ZNF667: variants seen among roughly 807,000 people sequenced by gnomAD.
The protein encoded by ZNF667 is myocardial ischemic preconditioning upregulated 1 ortholog.
In ZNF667, 13 loss-of-function variants were observed where a neutral mutation model predicts 31.8. The ratio of observed to expected loss-of-function variants is 0.41; its 90% CI spans 0.27 to 0.65. The LOEUF (loss-of-function observed/expected upper bound fraction) is 0.65. Ranked by LOEUF, ZNF667 falls within the 30% of genes least tolerant of loss-of-function variation. The pLI is 0.32. For missense variants in ZNF667, 642 were observed against 725.6 expected, an observed-to-expected ratio of 0.88 and a Z score of 1.32; for synonymous variants, 228 against 247.1, an observed-to-expected ratio of 0.92 and a Z score of 0.73.
intron 3 of ZNF667, chr19:56,467,095 A>C (rs1236092959): frequency 4.4e-6 from 2 of 455,980 alleles, no homozygotes; most frequent in African/African-American, 4.0e-5. Context: ...GGTCCCATGC[A>C]GGTGAGCCAT....
chr19:56,462,265 G>A, intron 4 of ZNF667, 73 bp downstream of exon 4: 1 of 1,584,296 alleles, frequency 6.3e-7, no homozygotes, highest in East Asian at 2.2e-5. Context: ...AGTCTCCATG[G>A]AAGGAAAGCA....
At chr19:56,461,259 T>C (rs12462739) in intron 4 of ZNF667, among the ~76,000 whole-genome samples, 129,826 of 152,164 alleles carry the variant, frequency 0.85, 55,460 homozygotes, top group East Asian at 0.92. Flanking sequence ...AGACAGCTCC[T>C]GATTTAATCT....
At chr19:56,464,540 T>C (rs546678568) in intron 3 of ZNF667, among the ~76,000 whole-genome samples, 2 of 152,308 alleles carry the variant, frequency 1.3e-5, no homozygotes, top group South Asian at 4.2e-4. Context: ...GATAAATGTG[T>C]TGCTTTTTAC....
At chr19:56,459,658 A>C (rs2043003556) in intron 5 of ZNF667, among the ~76,000 whole-genome samples, 1 of 152,184 alleles carries the variant, frequency 6.6e-6, no homozygotes, top group African/African-American at 2.4e-5. Flanking sequence ...AATGTCCACT[A>C]TTCACCTTTC....
chr19:56,455,774 A>C (rs1468784651), intron 6 of ZNF667, among the ~76,000 whole-genome samples: 2 of 152,336 alleles, frequency 1.3e-5, no homozygotes, highest in East Asian at 3.9e-4. Context: ...GTACAATAGG[A>C]ATGTTTGTAA....
At chr19:56,460,541 T>C in intron 5 of ZNF667, 148 bp downstream of exon 5, 1 of 787,680 alleles carries the variant, frequency 1.3e-6, no homozygotes, top group Non-Finnish European at 1.8e-6. Flanking sequence ...GTACTTTTTA[T>C]GGGTGAATTG....
chr19:56,472,803 T>C (rs2043320551), intron 2 of ZNF667: 1 of 152,212 alleles, frequency 6.6e-6, no homozygotes, highest in Admixed American at 6.5e-5. Context: ...CTTAAGTCTT[T>C]GGGGAGTGAA....
chr19:56,471,161 C>A (rs1042420014), intron 3 of ZNF667, among the ~76,000 whole-genome samples: 2 of 151,992 alleles, frequency 1.3e-5, no homozygotes, highest in African/African-American at 2.4e-5. Context: ...AGCCCCACCC[C>A]CCCTGCCTCT....
In ZNF667 at chr19:56,470,186, T is replaced by C. The variant is rs573289397; in HGVS notation, c.-60+1513A>G. The C allele has an allele frequency of 8.9e-5, 33 of 371,806 alleles. 2 individuals are homozygous for C. The highest frequency in any genetic ancestry group is 6.4e-4 in the South Asian group (32 of 50,100). The allele number at this position is 371,806 out of a possible 1,614,324, so 23.0% of individuals were successfully genotyped here. A position where few individuals can be genotyped will look rare whatever the true frequency, so the allele number is the denominator to read the frequency against. The stretch of plus-strand genomic sequence containing the variant: ...GAGATCATATCAGTCAGTGCTCCGT[T>C]AAGGTAAACTCTATTTACCCTCACT... On this transcript the variant is annotated intron_variant, in intron 3 of 6. Coordinates refer to ENST00000504904, the MANE Select transcript of ZNF667 (RefSeq NM_001321356.2).
At chr19:56,462,297 C>A in intron 4 of ZNF667, 41 bp downstream of exon 4, 1 of 1,613,444 alleles carries the variant, frequency 6.2e-7, no homozygotes, top group Non-Finnish European at 8.5e-7. Context: ...TCTCACAAGA[C>A]ACGATGGGGT....
At chr19:56,465,802 G>A (rs919859773) in intron 3 of ZNF667, among the ~76,000 whole-genome samples, 1 of 152,070 alleles carries the variant, frequency 6.6e-6, no homozygotes, top group African/African-American at 2.4e-5. Context: ...AGAGGCCTGT[G>A]TGCAGGGTCA....
Position 56,441,553 on chromosome 19 carries a change from C to A in ZNF667, c.1442G>T (p.Ser481Ile). ...YQCEECGKAF[S>I]HRISLTRHKR... is the part of the protein sequence containing the mutation. ...ATGTCGTGTGAGAGATATTCGGTGG[C>A]TGAAGGCTTTTCCACATTCCTCACA... Residue 481 changes from serine to isoleucine, a missense_variant, in exon 7 of 7, where the codon AGC (serine) becomes ATC (isoleucine). By Grantham distance (142) the Ser-to-Ile change is moderately radical. Coordinates refer to ENST00000504904, the MANE Select transcript of ZNF667 (RefSeq NM_001321356.2). The surrounding 1 kb of genome is among the most constrained non-coding windows in gnomAD (Gnocchi z 4.2). 6.2e-7 allele frequency: 1 copy of A among 1,614,196 alleles called. No homozygotes were observed. The highest frequency in any genetic ancestry group is 8.5e-7 in the Non-Finnish European group (1 of 1,180,042).
chr19:56,467,622 C>T (rs1227852841), intron 3 of ZNF667: 1 of 152,260 alleles, frequency 6.6e-6, no homozygotes, highest in Non-Finnish European at 1.5e-5. Flanking sequence ...CAAGTCTGGA[C>T]TTCAGGAATG....
Position 56,441,853 on chromosome 19 carries a change from T to C in ZNF667, c.1142A>G (p.Asn381Ser). ...STLILHLRIHNGEKLYRCNKC... is the reference protein window; with the variant it reads ...STLILHLRIHSGEKLYRCNKC... Reference sequence around the variant, plus strand: ...ATTGCATCTGTATAGTTTTTCTCCATTATGAATTCTTAGATGCAGAATAAG... The same window carrying C: ...ATTGCATCTGTATAGTTTTTCTCCACTATGAATTCTTAGATGCAGAATAAG... Residue 381 changes from asparagine (N) to serine (S), a missense_variant, in exon 7 of 7, where the codon AAT becomes AGT. By Grantham distance (46) the Asn-to-Ser change is conservative. Coordinates refer to ENST00000504904, the MANE Select transcript of ZNF667 (RefSeq NM_001321356.2). This position sits in a 1 kb window ranked among gnomAD's most constrained non-coding sequence, Gnocchi z 4.2. The C allele has an allele frequency of 6.2e-7, 1 of 1,614,168 alleles. No individual in the cohort carries two copies. The highest frequency in any genetic ancestry group is 8.5e-7 in the Non-Finnish European group (1 of 1,180,032).
At position 56,440,819 on chromosome 19, in the gene ZNF667, T is replaced by G. The variant is rs189607749; in HGVS notation, c.*343A>C. 1.4e-4 allele frequency: 108 copies of G among 761,984 alleles called. 1 individual carries two copies. In the East Asian group the frequency reaches 8.6e-3, roughly 61 times the overall value. The allele number at this position is 761,984 out of a possible 1,614,324, so 47.2% of individuals were successfully genotyped here. ...GCCCAGCTAATTTTGTATTTTTTAG[T>G]AGAGACAGGGTTTCACCGTGGTCTC... On this transcript the variant is annotated 3_prime_UTR_variant, in exon 7 of 7. Transcript: ENST00000504904.
intron 1 of ZNF667, among the ~76,000 whole-genome samples, chr19:56,476,592 A>G (rs186138896): frequency 1.3e-5 from 2 of 152,346 alleles, no homozygotes; most frequent in East Asian, 3.9e-4. Context: ...GGCAGGTGCT[A>G]TTAATATGCT....
intron 6 of ZNF667, among the ~76,000 whole-genome samples, chr19:56,452,192 C>A (rs2042845063): frequency 6.6e-6 from 1 of 151,822 alleles, no homozygotes; most frequent in East Asian, 2.0e-4. Flanking sequence ...GGGATTACAG[C>A]CATCCACCAC....
rs909949474 is a variant in ZNF667 at position 56,458,383 on chromosome 19, G to C, written c.161-136C>G. On this transcript the variant is annotated intron_variant, in intron 5 of 6. Coordinates refer to ENST00000504904, the MANE Select transcript of ZNF667 (RefSeq NM_001321356.2). ...AGGATGTGAAGGGCAGCTGGAGAATGGGGAGTGTGATATTGTGATTTATAA... is the reference window on the plus strand; with the variant it reads ...AGGATGTGAAGGGCAGCTGGAGAATCGGGAGTGTGATATTGTGATTTATAA... 21 of 693,970 alleles carry C rather than the reference G, an allele frequency of 3.0e-5. No individual in the cohort carries two copies. In the African/African-American group the frequency reaches 3.7e-4, roughly 12 times the overall value. 43.0% of individuals were successfully genotyped at this position (693,970 alleles called of 1,614,324 possible).
chr19:56,470,496 T>C (rs1319451978), intron 3 of ZNF667, among the ~76,000 whole-genome samples: 2 of 152,166 alleles, frequency 1.3e-5, no homozygotes, highest in Non-Finnish European at 2.9e-5. Flanking sequence ...AGAGGGACGA[T>C]GACCCGCCTG....
Sources: gnomAD v4.1 joint callset for allele counts (sites outside exome capture counted in the v4.1 genomes callset) on GRCh38, gnomAD v4.1.1 for gene constraint, Gnocchi (gnomAD v3.1) non-coding constraint, MANE v1.5 for transcripts, NCBI Gene and HGNC (gene_info 2026-07-23, HGNC 2026-07-21) for gene names.